The following PDSS2 variants were observed in gnomAD, a reference collection of about 807,000 sequenced individuals.
PDSS2 encodes the protein decaprenyl diphosphate synthase subunit 2.
PDSS2 carries 31 observed loss-of-function variants against 44.5 expected under a neutral mutation model. The observed-to-expected ratio is 0.70, with a 90% CI of 0.52 to 0.94. The LOEUF is 0.94. PDSS2 is among the 40% of genes least tolerant of loss of function. The pLI is 0.00. For missense variants in PDSS2, 452 were observed against 482.2 expected, an observed-to-expected ratio of 0.94 and a Z score of 0.59; for synonymous variants, 157 against 180.3, an observed-to-expected ratio of 0.87 and a Z score of 1.03.
chr6:107,186,837 C>G (rs779037002), intron 7 of PDSS2, among the ~76,000 whole-genome samples: 1 of 152,138 alleles, frequency 6.6e-6, no homozygotes, highest in Non-Finnish European at 1.5e-5. Flanking sequence ...ACTTTTCAGA[C>G]AAAATTTGGC....
intron 1 of PDSS2, among the ~76,000 whole-genome samples, chr6:107,369,345 G>A (rs762171983): frequency 6.6e-6 from 1 of 152,148 alleles, no homozygotes; most frequent in African/African-American, 2.4e-5. Context: ...TTGAACCCAG[G>A]AGGTGGAATT....
At chr6:107,341,986 C>T (rs1336772201) in intron 1 of PDSS2, among the ~76,000 whole-genome samples, 1 of 152,096 alleles carries the variant, frequency 6.6e-6, no homozygotes, top group Non-Finnish European at 1.5e-5. Flanking sequence ...ATAATTACTA[C>T]TCACAATAGT....
intron 1 of PDSS2, among the ~76,000 whole-genome samples, chr6:107,395,402 T>C (rs373223612): frequency 3.9e-5 from 6 of 152,154 alleles, no homozygotes; most frequent in East Asian, 1.9e-4. Context: ...GGTGTTCCAA[T>C]TACTCATTTT....
At chr6:107,347,256 C>CTT (rs35184119) in intron 1 of PDSS2, among the ~76,000 whole-genome samples, 1,155 of 89,910 alleles carry the variant, frequency 0.013, 22 homozygotes, top group Middle Eastern at 0.037. Context: ...ATTATATCTT[C>CTT]TTTTTTTTTT....
At position 107,271,849 on chromosome 6, in the gene PDSS2, G is replaced by A. The variant is rs189105002; in HGVS notation, c.630+2180C>T. ...ACAGGAGGATTTCGTGAGCCCAGGA[G>A]TTCAAGACCAGCCTGGGCAACATGG... On this transcript the variant is annotated intron_variant, in intron 3 of 7. Transcript: ENST00000369037. Among the ~76,000 whole-genome samples, 17 of 152,146 alleles carry A rather than the reference G, an allele frequency of 1.1e-4. 1 individual carries two copies. The East Asian group carries it at 3.3e-3, about 29-fold the overall frequency.
intron 1 of PDSS2, among the ~76,000 whole-genome samples, chr6:107,454,692 G>A (rs766451577): frequency 2.6e-5 from 4 of 151,020 alleles, no homozygotes; most frequent in African/African-American, 7.3e-5. Flanking sequence ...GTAAACTTTA[G>A]GGCTATTAGA....
At chr6:107,286,591 C>T (rs1218009730) in intron 2 of PDSS2, among the ~76,000 whole-genome samples, 3 of 151,862 alleles carry the variant, frequency 2.0e-5, no homozygotes, top group East Asian at 3.9e-4. Context: ...GCAATAAATA[C>T]AATAAACAAA....
At chr6:107,300,356 A>G (rs1776653425) in intron 2 of PDSS2, among the ~76,000 whole-genome samples, 1 of 151,728 alleles carries the variant, frequency 6.6e-6, no homozygotes, top group Admixed American at 6.6e-5. Flanking sequence ...AGCAGGAAGT[A>G]GTTAAGAGGT....
At chr6:107,190,656 A>G (rs898893579) in intron 7 of PDSS2, among the ~76,000 whole-genome samples, 2 of 152,148 alleles carry the variant, frequency 1.3e-5, no homozygotes, top group Non-Finnish European at 2.9e-5. Flanking sequence ...GACAATCCCA[A>G]ATTAAGCTTC....
chr6:107,447,072 G>A (rs1369707018), intron 1 of PDSS2, among the ~76,000 whole-genome samples: 2 of 152,088 alleles, frequency 1.3e-5, no homozygotes, highest in Non-Finnish European at 1.5e-5. Context: ...AGTGGCTCAC[G>A]CCTGTAATCC....
chr6:107,215,596 G>T (rs1773384201), intron 4 of PDSS2, among the ~76,000 whole-genome samples: 1 of 152,038 alleles, frequency 6.6e-6, no homozygotes, highest in Non-Finnish European at 1.5e-5. Flanking sequence ...AACAAATTAG[G>T]AAAGATGAGT....
chr6:107,217,876 G>A (rs993514049), intron 4 of PDSS2, among the ~76,000 whole-genome samples: 1 of 152,174 alleles, frequency 6.6e-6, no homozygotes, highest in African/African-American at 2.4e-5. Context: ...CTCCAAAACT[G>A]TAAGTCTCTA....
intron 1 of PDSS2, among the ~76,000 whole-genome samples, chr6:107,414,889 A>G (rs1780611276): frequency 6.6e-6 from 1 of 152,202 alleles, no homozygotes; most frequent in African/African-American, 2.4e-5. Flanking sequence ...TACTAAAAGG[A>G]GAATGTCCCA....
chr6:107,259,388 C>T lies in PDSS2; in HGVS notation c.631-13769G>A, dbSNP rs763669580. Among the ~76,000 whole-genome samples the T allele has an allele frequency of 7.2e-5, 11 of 152,156 alleles. No homozygotes were observed. The South Asian group carries it at 1.5e-3, about 20-fold the overall frequency. On this transcript the variant is annotated intron_variant, in intron 3 of 7. Transcript: ENST00000369037. Reference sequence around the variant, plus strand: ...AAACAAAAGAAAAAATGAGGCCAGGCGTGGTGGCTCACATCAGAAATCCCA... The same window carrying T: ...AAACAAAAGAAAAAATGAGGCCAGGTGTGGTGGCTCACATCAGAAATCCCA...
At chr6:107,405,739 T>A (rs1041095232) in intron 1 of PDSS2, among the ~76,000 whole-genome samples, 1 of 148,622 alleles carries the variant, frequency 6.7e-6, no homozygotes, top group African/African-American at 2.5e-5. Flanking sequence ...CCCAGCTACT[T>A]GGGAGGCTGA....
At chr6:107,274,846 T>C (rs1273367676) in intron 2 of PDSS2, among the ~76,000 whole-genome samples, 1 of 151,980 alleles carries the variant, frequency 6.6e-6, no homozygotes, top group Non-Finnish European at 1.5e-5. Flanking sequence ...CTAACTTTTG[T>C]ATTTTTGGTA....
intron 2 of PDSS2, among the ~76,000 whole-genome samples, chr6:107,293,425 T>C (rs574853293): frequency 6.6e-6 from 1 of 152,306 alleles, no homozygotes; most frequent in South Asian, 2.1e-4. Flanking sequence ...GTCAAAGTTT[T>C]CCAAAATATC....
intron 1 of PDSS2, among the ~76,000 whole-genome samples, chr6:107,443,138 A>G (rs1172754560): frequency 6.6e-6 from 1 of 152,202 alleles, no homozygotes; most frequent in Non-Finnish European, 1.5e-5. Flanking sequence ...TAGAGAACAC[A>G]CTTAACTAGC....
At chr6:107,197,269 G>A (rs1374136749) in intron 6 of PDSS2, among the ~76,000 whole-genome samples, 1 of 151,212 alleles carries the variant, frequency 6.6e-6, no homozygotes, top group Admixed American at 6.6e-5. Context: ...GGTAAGGGGG[G>A]GGTGCAGTCT....
Sources: gnomAD v4.1 joint callset for allele counts (sites outside exome capture counted in the v4.1 genomes callset) on GRCh38, gnomAD v4.1.1 for gene constraint, MANE v1.5 for transcripts, NCBI Gene and HGNC (gene_info 2026-07-23, HGNC 2026-07-21) for gene names.